THUMPD2: variants seen among roughly 807,000 people sequenced by gnomAD.
THUMPD2 encodes U6 snRNA (guanine-N(2))-methyltransferase THUMPD2.
THUMPD2 carries 56 observed loss-of-function variants against 49.4 expected under a neutral mutation model. That is an observed-to-expected ratio of 1.13 (90% confidence interval 0.91 to 1.41). The LOEUF is 1.41. Among genes scored for constraint, THUMPD2 ranks in the 40% most tolerant of loss-of-function variants. THUMPD2 has a pLI of 0.00. For missense variants in THUMPD2, 709 were observed against 594.5 expected, an observed-to-expected ratio of 1.19 and a Z score of -2.00; for synonymous variants, 237 against 205.2, an observed-to-expected ratio of 1.15 and a Z score of -1.32.
chr2:39,755,256 G>T, intron 8 of THUMPD2, 39 bp downstream of exon 8: 2 of 1,284,954 alleles, frequency 1.6e-6, no homozygotes, highest in Non-Finnish European at 2.2e-6. Flanking sequence ...TATTTACATT[G>T]TTCCTTTTCT....
At chr2:39,738,625 A>G (rs1301217002) in intron 9 of THUMPD2, among the ~76,000 whole-genome samples, 6 of 96,716 alleles carry the variant, frequency 6.2e-5, no homozygotes, top group Non-Finnish European at 9.3e-5. Flanking sequence ...TATATATTAT[A>G]TATTTACATA....
Position 39,769,722 on chromosome 2 carries a change from G to A in THUMPD2, c.660C>T (p.Ala220=). ...SCRCSGTIGK[A]FTAQEVGKVI... is the part of the protein sequence containing the mutation. ...GATGCAAGCATACCTGTGCAGTGAA[G>A]GCCTTTCCAATAGTTCCACTGCAGC... is the stretch of plus-strand genomic sequence containing the variant. The change falls in exon 3 of 10, where the codon GCC becomes GCT. Residue 220 remains alanine, a synonymous_variant. Coordinates refer to ENST00000505747, the MANE Select transcript of THUMPD2 (RefSeq NM_025264.5). 1 of 1,567,496 alleles carries A rather than the reference G, an allele frequency of 6.4e-7. No individual in the cohort carries two copies. Among genetic ancestry groups the A allele is most frequent in the East Asian group, 2.3e-5 (1 of 43,218 alleles).
Position 39,755,245 on chromosome 2 carries a change from A to G in THUMPD2, c.1078+50T>C, listed in dbSNP as rs374594709. On this transcript the variant is annotated intron_variant, in intron 8 of 9. Coordinates refer to ENST00000505747, the MANE Select transcript of THUMPD2 (RefSeq NM_025264.5). The stretch of plus-strand genomic sequence containing the variant: ...CTTGTTTTATATTATGATTCTAAAT[A>G]TATTTACATTGTTCCTTTTCTCAAT... 2.1e-5 allele frequency: 26 copies of G among 1,226,346 alleles called. No individual in the cohort carries two copies. The African/African-American group carries it at 3.9e-4, about 18-fold the overall frequency. The allele number at this position is 1,226,346 out of a possible 1,614,324, so 76.0% of individuals were successfully genotyped here.
intron 9 of THUMPD2, among the ~76,000 whole-genome samples, chr2:39,737,986 T>C (rs774518619): frequency 1.3e-5 from 2 of 152,074 alleles, no homozygotes; most frequent in South Asian, 2.1e-4. Flanking sequence ...TAAGTGCGGA[T>C]TCCACCAGAG....
intron 6 of THUMPD2, among the ~76,000 whole-genome samples, chr2:39,759,868 T>C (rs1306492676): frequency 4.6e-5 from 7 of 152,184 alleles, no homozygotes; most frequent in Non-Finnish European, 1.0e-4. Context: ...TCAGACAGTA[T>C]ATCGTTTAAA....
Position 39,771,594 on chromosome 2 carries a change from A to C in THUMPD2, c.173T>G (p.Leu58Trp), listed in dbSNP as rs1434552582. The C allele has an allele frequency of 1.2e-6, 2 of 1,605,414 alleles. No individual in the cohort carries two copies. The highest frequency in any genetic ancestry group is 1.7e-6 in the Non-Finnish European group (2 of 1,177,786). ...GKVFFTTCSD[L>W]NMLKKLKSAE... ...AGATTTTAATTTCTTCAACATATTC[A>C]AATCAGAACAGGTGGTGAAAAAAAC... Residue 58 changes from leucine to tryptophan, a missense_variant, in exon 2 of 10, where the codon TTG (leucine) becomes TGG (tryptophan). Leu to Trp is a moderately conservative substitution (Grantham distance 61, BLOSUM62 -2). Transcript: ENST00000505747.
intron 1 of THUMPD2, among the ~76,000 whole-genome samples, chr2:39,777,336 G>A (rs564835657): frequency 4.4e-4 from 67 of 152,238 alleles, no homozygotes; most frequent in South Asian, 1.5e-3. Context: ...AAGACCATAC[G>A]TACTCTACCG....
chr2:39,777,929 C>CT (rs1296455423), intron 1 of THUMPD2, among the ~76,000 whole-genome samples: 8 of 152,108 alleles, frequency 5.3e-5, no homozygotes, highest in Non-Finnish European at 1.2e-4. Flanking sequence ...ACCAAGCACT[C>CT]TAAGTTAGCA....
At chr2:39,771,784 A>G (rs1678353024) in intron 1 of THUMPD2, 144 bp from the exon 2 acceptor site, 2 of 832,838 alleles carry the variant, frequency 2.4e-6, no homozygotes, top group Non-Finnish European at 3.7e-6. Context: ...TACTAGGAAC[A>G]CTGAATAAGT....
In THUMPD2 at chr2:39,770,151, T is replaced by A. The variant is rs1162514748; in HGVS notation, c.263-32A>T. 2.8e-6 allele frequency: 4 copies of A among 1,414,960 alleles called. No homozygotes were observed. The African/African-American group carries it at 5.9e-5, about 21-fold the overall frequency. 87.7% of individuals were successfully genotyped at this position (1,414,960 alleles called of 1,614,324 possible). A position where few individuals can be genotyped will look rare whatever the true frequency, so the allele number is the denominator to read the frequency against. Reference sequence around the variant, plus strand: ...AAGAAAAATCTTGTTGATCCTCTATTGAAGCTTTAAAGACCATCTATTACA... The same window carrying A: ...AAGAAAAATCTTGTTGATCCTCTATAGAAGCTTTAAAGACCATCTATTACA... On this transcript the variant is annotated intron_variant, in intron 2 of 9. Coordinates refer to ENST00000505747, the MANE Select transcript of THUMPD2 (RefSeq NM_025264.5).
In THUMPD2 at chr2:39,737,005, C is replaced by T. The variant is rs139413497; in HGVS notation, c.1242G>A (p.Arg414=). 3.3e-5 allele frequency: 53 copies of T among 1,613,966 alleles called. No homozygotes were observed. The highest frequency in any genetic ancestry group is 1.6e-4 in the South Asian group (15 of 91,066). Residue 414 remains arginine (R), a synonymous_variant, in exon 10 of 10, where the codon AGG becomes AGA. Transcript: ENST00000505747. ...TGCTCTCTTTACAATCTGTAAGGCG[C>T]CTGTGGTGATCTTCACTAAGCAACA... ...IVLLLSEDHH[R]RLTDCKESNI...
intron 6 of THUMPD2, among the ~76,000 whole-genome samples, chr2:39,756,586 C>G (rs1319943585): frequency 6.6e-6 from 1 of 151,726 alleles, no homozygotes; most frequent in Non-Finnish European, 1.5e-5. Flanking sequence ...GGTCAAATGA[C>G]TGGAGGGCCC....
intron 9 of THUMPD2, among the ~76,000 whole-genome samples, chr2:39,738,665 A>G (rs1673484053): frequency 1.0e-5 from 1 of 96,346 alleles, no homozygotes; most frequent in African/African-American, 4.8e-5. Context: ...CATATAAATT[A>G]TATGTATATA....
rs2148374304 is a variant in THUMPD2, at chr2:39,779,060, C to T, written c.126+54G>A. ...CCGCGTCCACGACTGGGGTGGGCAA[C>T]AGGGCAGGGACAGGGCCGCCCACCT... is the stretch of plus-strand genomic sequence containing the variant. On this transcript the variant is annotated intron_variant, in intron 1 of 9. Coordinates refer to ENST00000505747, the MANE Select transcript of THUMPD2 (RefSeq NM_025264.5). 2.1e-6 allele frequency: 3 copies of T among 1,406,962 alleles called. No homozygotes were observed. The East Asian group carries it at 9.2e-5, about 43-fold the overall frequency. The allele number at this position is 1,406,962 out of a possible 1,614,324, so 87.2% of individuals were successfully genotyped here.
chr2:39,779,078 G>A (rs1051027731), intron 1 of THUMPD2, 36 bp downstream of exon 1: 7 of 1,482,444 alleles, frequency 4.7e-6, no homozygotes, highest in Non-Finnish European at 6.2e-6. Context: ...GGACAGGGCC[G>A]CCCACCTCCC....
chr2:39,765,932 T>A (rs1416375606), intron 5 of THUMPD2, 125 bp downstream of exon 5: 2 of 767,198 alleles, frequency 2.6e-6, no homozygotes, highest in East Asian at 5.8e-5. Context: ...AAGCAAAGAA[T>A]TCAAATGCTT....
intron 8 of THUMPD2, 54 bp downstream of exon 8, chr2:39,755,241 A>G: frequency 8.4e-7 from 1 of 1,183,594 alleles, no homozygotes; most frequent in Non-Finnish European, 1.2e-6. Flanking sequence ...TTATGATTCT[A>G]AATATATTTA....
chr2:39,748,752 G>A lies in THUMPD2; in HGVS notation c.1079-4274C>T, dbSNP rs1387775364. On this transcript the variant is annotated intron_variant, in intron 8 of 9. Transcript: ENST00000505747. ...CACCTGTAATCCCAGCACTCCGGGA[G>A]GCTGAGCTGGGAGGATCATTTAAGA... 2.1e-4 allele frequency among the ~76,000 whole-genome samples: 32 copies of A among 152,036 alleles called. 1 individual carries two copies. The highest frequency in any genetic ancestry group is 2.1e-3 in the Admixed American group (32 of 15,266).
chr2:39,740,601 C>T (rs1454013112), intron 9 of THUMPD2, among the ~76,000 whole-genome samples: 2 of 152,106 alleles, frequency 1.3e-5, no homozygotes, highest in Non-Finnish European at 2.9e-5. Context: ...ATCATACGCA[C>T]ATAATTTCTT....
Sources: gnomAD v4.1 joint callset for allele counts (sites outside exome capture counted in the v4.1 genomes callset) on GRCh38, gnomAD v4.1.1 for gene constraint, MANE v1.5 for transcripts, NCBI Gene and HGNC (gene_info 2026-07-23, HGNC 2026-07-21) for gene names.